XKR4: variants seen among roughly 807,000 people sequenced by gnomAD.
XKR4 encodes the protein XK-related protein 4.
XKR4 carries 12 observed loss-of-function variants against 53.9 expected under a neutral mutation model. The observed-to-expected ratio is 0.22, with a 90% CI of 0.14 to 0.36. The LOEUF (loss-of-function observed/expected upper bound fraction) is 0.36. Ranked by LOEUF, XKR4 falls within the 10% of genes least tolerant of loss-of-function variation. The pLI, the probability that XKR4 is intolerant of heterozygous loss-of-function variation, is 1.00. For synonymous variants in XKR4, 354 were observed against 362.4 expected (o/e 0.98, Z 0.26); for missense variants, 799 against 859.5 (o/e 0.93, Z 0.88).
chr8:55,427,636 G>C (rs1214038687), intron 2 of XKR4, among the ~76,000 whole-genome samples: 3 of 152,204 alleles, frequency 2.0e-5, no homozygotes, highest in Non-Finnish European at 4.4e-5. Context: ...ACTCTGAATA[G>C]TAAGCTCTGT....
intron 1 of XKR4, among the ~76,000 whole-genome samples, chr8:55,356,868 C>G (rs1330624936): frequency 2.6e-5 from 4 of 152,140 alleles, no homozygotes; most frequent in Non-Finnish European, 4.4e-5. Context: ...TCCTCCTCAG[C>G]CTATTCAATG....
At position 55,527,536 on chromosome 8, in the gene XKR4, C is replaced by T. The variant is rs1238779418; in HGVS notation, c.*3309C>T. ...TGTGTGTATCTTAACCATAGTGACA[C>T]TTTAAGTGTTTGTGTGAAAGAAAAG... On this transcript the variant is annotated 3_prime_UTR_variant, in exon 3 of 3. Transcript: ENST00000327381. 1 of 152,180 alleles carries T rather than the reference C, an allele frequency of 6.6e-6. No homozygotes were observed. Among genetic ancestry groups the T allele is most frequent in the African/African-American group, 2.4e-5 (1 of 41,454 alleles). The allele number at this position is 152,180 out of a possible 1,614,324, so 9.4% of individuals were successfully genotyped here.
chr8:55,193,737 C>T (rs765954569), intron 1 of XKR4, among the ~76,000 whole-genome samples: 2 of 152,210 alleles, frequency 1.3e-5, no homozygotes, highest in East Asian at 1.9e-4. Context: ...CTTAGGACCC[C>T]GTGGGGTGAA....
chr8:55,290,917 T>A (rs961412014), intron 1 of XKR4, among the ~76,000 whole-genome samples: 2 of 152,208 alleles, frequency 1.3e-5, no homozygotes, highest in Non-Finnish European at 2.9e-5. Flanking sequence ...ATATCCTTTA[T>A]GAATTATGCT....
At chr8:55,318,527 CA>C (rs1035379514) in intron 1 of XKR4, among the ~76,000 whole-genome samples, 18 of 152,170 alleles carry the variant, frequency 1.2e-4, no homozygotes. Flanking sequence ...CTCTCCATGG[CA>C]TAGACCCAAT....
intron 1 of XKR4, among the ~76,000 whole-genome samples, chr8:55,346,685 ATGTGTGTGTGTGTGTG>A (rs10685965): frequency 5.1e-5 from 7 of 138,474 alleles, no homozygotes; most frequent in African/African-American, 1.9e-4. Flanking sequence ...TGTTGAGGTT[ATGTGTGTGTGTGTGTG>A]TGTGTGTGTG....
intron 1 of XKR4, among the ~76,000 whole-genome samples, chr8:55,247,855 C>CTTTCTTTCTTTCTTTCTTTTTTT (rs369983175): frequency 1.7e-5 from 1 of 59,856 alleles, no homozygotes; most frequent in African/African-American, 4.5e-5. Context: ...TTCTTTCTTT[C>CTTTCTTTCTTTCTTTCTTTTTTT]TTTTTTTTTT....
At chr8:55,181,744 C>A (rs114670250) in intron 1 of XKR4, among the ~76,000 whole-genome samples, 2 of 151,946 alleles carry the variant, frequency 1.3e-5, no homozygotes, top group African/African-American at 4.8e-5. Flanking sequence ...AAGAGGACTT[C>A]GAGGTTGACT....
rs191607935 is a variant in XKR4, at chr8:55,479,833, C to T, written c.1007-43448C>T. On this transcript the variant is annotated intron_variant, in intron 2 of 2. Transcript: ENST00000327381. Reference sequence around the variant, plus strand: ...ATAAATTCCTCAACAAACACACTCTCCCAAGACTAAACCAAGAAGAAGTTG... The same window carrying T: ...ATAAATTCCTCAACAAACACACTCTTCCAAGACTAAACCAAGAAGAAGTTG... Among the ~76,000 whole-genome samples the T allele has an allele frequency of 2.0e-5, 3 of 152,236 alleles. No homozygotes were observed. In the East Asian group the frequency reaches 5.8e-4, roughly 29 times the overall value.
intron 2 of XKR4, among the ~76,000 whole-genome samples, chr8:55,431,532 C>A (rs1317103335): frequency 6.6e-6 from 1 of 152,154 alleles, no homozygotes; most frequent in Non-Finnish European, 1.5e-5. Context: ...CTTGAAAACT[C>A]ATGTTGTTCC....
At chr8:55,434,530 T>C (rs1317761356) in intron 2 of XKR4, among the ~76,000 whole-genome samples, 1 of 151,688 alleles carries the variant, frequency 6.6e-6, no homozygotes, top group African/African-American at 2.4e-5. Context: ...AAAATGAGAG[T>C]CCATCATGGG....
At chr8:55,458,670 G>A (rs1299301815) in intron 2 of XKR4, among the ~76,000 whole-genome samples, 2 of 152,220 alleles carry the variant, frequency 1.3e-5, no homozygotes, top group East Asian at 3.8e-4. Context: ...TCTTCCCCTG[G>A]CGTTCAGCCG....
intron 2 of XKR4, among the ~76,000 whole-genome samples, chr8:55,476,038 AC>A (rs1731140262): frequency 6.6e-6 from 1 of 152,076 alleles, no homozygotes; most frequent in South Asian, 2.1e-4. Flanking sequence ...TAGCCACCGC[AC>A]CTGGCTACCT....
chr8:55,296,487 A>G (rs1819102879), intron 1 of XKR4, among the ~76,000 whole-genome samples: 1 of 152,210 alleles, frequency 6.6e-6, no homozygotes, highest in Non-Finnish European at 1.5e-5. Flanking sequence ...TTACCTTTTC[A>G]AAAGCCTTTT....
intron 1 of XKR4, among the ~76,000 whole-genome samples, chr8:55,288,300 C>T (rs899089350): frequency 6.6e-6 from 1 of 152,148 alleles, no homozygotes; most frequent in African/African-American, 2.4e-5. Flanking sequence ...ATTACAATGC[C>T]TAGTGACTTA....
intron 2 of XKR4, among the ~76,000 whole-genome samples, chr8:55,505,354 C>T (rs570595559): frequency 6.6e-6 from 1 of 151,958 alleles, no homozygotes; most frequent in East Asian, 1.9e-4. Flanking sequence ...TAAGCCTGGG[C>T]AACATAGCAA....
At chr8:55,448,141 G>A (rs968189852) in intron 2 of XKR4, among the ~76,000 whole-genome samples, 2 of 152,136 alleles carry the variant, frequency 1.3e-5, no homozygotes, top group Non-Finnish European at 2.9e-5. Context: ...ATATTTTTAG[G>A]TTGCCAGGAA....
chr8:55,208,480 T>C (rs1022861986), intron 1 of XKR4, among the ~76,000 whole-genome samples: 1 of 151,998 alleles, frequency 6.6e-6, no homozygotes. Context: ...CTTTTTTCTT[T>C]TCTTTTTTTT....
chr8:55,217,241 C>CAAAAAA (rs35294638), intron 1 of XKR4, among the ~76,000 whole-genome samples: 4 of 106,022 alleles, frequency 3.8e-5, no homozygotes, highest in African/African-American at 3.8e-5. Flanking sequence ...GACTCTGTCT[C>CAAAAAA]AAAAAAAAAA....
Sources: gnomAD v4.1 joint callset for allele counts (sites outside exome capture counted in the v4.1 genomes callset) on GRCh38, gnomAD v4.1.1 for gene constraint, MANE v1.5 for transcripts, NCBI Gene and HGNC (gene_info 2026-07-23, HGNC 2026-07-21) for gene names.